The following EML6 variants were observed in gnomAD, a reference collection of about 807,000 sequenced individuals.
EML6 encodes the protein echinoderm microtubule-associated protein-like 6.
Under a neutral mutation model 240.1 loss-of-function variants are expected in EML6, and 154 were observed. That is an observed-to-expected ratio of 0.64 (90% CI 0.56 to 0.73). EML6 has a LOEUF of 0.73. EML6 is among the 30% of genes least tolerant of loss of function. The pLI is 0.00. For missense variants in EML6, 2,964 were observed against 2,474.6 expected (o/e 1.20, Z -4.20); for synonymous variants, 1,148 against 899.0 (o/e 1.28, Z -4.95).
At position 54,892,754 on chromosome 2, in the gene EML6, G is replaced by A. The variant is rs913113134; in HGVS notation, c.2742+98G>A. ...AAGAGGATGCCTGTATCTAAAACAG[G>A]CCTGTCTGAATTAGGAAGTAGTTGT... On this transcript the variant is annotated intron_variant, in intron 19 of 41. Transcript: ENST00000356458. 2.0e-5 allele frequency: 17 copies of A among 860,382 alleles called. No individual in the cohort carries two copies. The African/African-American group carries it at 2.6e-4, about 13-fold the overall frequency. The allele number at this position is 860,382 out of a possible 1,614,324, so 53.3% of individuals were successfully genotyped here. A position where few individuals can be genotyped will look rare whatever the true frequency, so the allele number is the denominator to read the frequency against.
intron 2 of EML6, among the ~76,000 whole-genome samples, chr2:54,800,812 CTG>C (rs1353193549): frequency 2.6e-5 from 4 of 152,028 alleles, no homozygotes; most frequent in African/African-American, 9.7e-5. Flanking sequence ...TTACTTACCT[CTG>C]TATAATAGAC....
At chr2:54,959,320 A>G (rs1018471322) in intron 34 of EML6, 59 bp downstream of exon 34, 1 of 1,447,702 alleles carries the variant, frequency 6.9e-7, no homozygotes, top group African/African-American at 1.4e-5. Context: ...GGAGAAACTG[A>G]CAAAAGTGTT....
intron 6 of EML6, among the ~76,000 whole-genome samples, chr2:54,827,966 C>A (rs913282187): frequency 1.3e-5 from 2 of 152,188 alleles, no homozygotes; most frequent in African/African-American, 4.8e-5. Context: ...CTATTAATTG[C>A]TTGATTTATG....
intron 26 of EML6, among the ~76,000 whole-genome samples, chr2:54,923,125 G>C (rs538082873): frequency 1.3e-5 from 2 of 151,912 alleles, no homozygotes; most frequent in African/African-American, 4.8e-5. Context: ...AATTTTGGTA[G>C]AGATGGGGTT....
chr2:54,850,121 G>A lies in EML6; in HGVS notation c.1347G>A (p.Lys449=). 2 of 1,552,012 alleles carry A rather than the reference G, an allele frequency of 1.3e-6. No individual in the cohort carries two copies. Among genetic ancestry groups the A allele is most frequent in the Non-Finnish European group, 1.7e-6 (2 of 1,147,020 alleles). Reference sequence around the variant, plus strand: ...ATAAGAAAATTGGAGAATGCAGCAAGTCCCTTAGTTTCATCACGCATATTG... The same window carrying A: ...ATAAGAAAATTGGAGAATGCAGCAAATCCCTTAGTTTCATCACGCATATTG... ...QRYKKIGECS[K]SLSFITHIDW... Residue 449 remains lysine, a synonymous_variant, in exon 10 of 42, where the codon AAG becomes AAA. Coordinates refer to ENST00000356458, the MANE Select transcript of EML6 (RefSeq NM_001039753.4).
At chr2:54,827,857 C>T (rs888584297) in intron 6 of EML6, 106 bp downstream of exon 6, 7 of 739,928 alleles carry the variant, frequency 9.5e-6, no homozygotes, top group Non-Finnish European at 1.6e-5. Flanking sequence ...GAGAACCCTG[C>T]TGAACACTCC....
chr2:54,938,116 C>G (rs554205392), intron 28 of EML6, among the ~76,000 whole-genome samples: 2 of 152,116 alleles, frequency 1.3e-5, no homozygotes, highest in African/African-American at 4.8e-5. Context: ...GAGGCCGAGG[C>G]GGGCAGATCA....
intron 7 of EML6, among the ~76,000 whole-genome samples, chr2:54,841,679 G>A (rs929711574): frequency 1.4e-5 from 2 of 140,158 alleles, no homozygotes; most frequent in East Asian, 2.4e-4. Context: ...AAGTCCCTCC[G>A]CCTCCCAGGC....
At chr2:54,849,568 A>G (rs1669957892) in intron 9 of EML6, among the ~76,000 whole-genome samples, 1 of 152,248 alleles carries the variant, frequency 6.6e-6, no homozygotes, top group Admixed American at 6.5e-5. Context: ...GACTCACTGC[A>G]AACTCTACCT....
rs559891103 is a variant in EML6 at position 54,836,346 on chromosome 2, A to G, written c.847+6869A>G. On this transcript the variant is annotated intron_variant, in intron 7 of 41. Transcript: ENST00000356458. ...TGTTCTCATCTTCTGATATCTCACTAGGCTTTGTGTATCTTTCACAGTTCC... is the reference window on the plus strand; with the variant it reads ...TGTTCTCATCTTCTGATATCTCACTGGGCTTTGTGTATCTTTCACAGTTCC... Among the ~76,000 whole-genome samples the G allele has an allele frequency of 5.9e-5, 9 of 152,218 alleles. No individual in the cohort carries two copies. The South Asian group carries it at 1.7e-3, about 28-fold the overall frequency.
chr2:54,908,591 C>T (rs1238679068), intron 24 of EML6, among the ~76,000 whole-genome samples: 1 of 152,174 alleles, frequency 6.6e-6, no homozygotes, highest in Non-Finnish European at 1.5e-5. Context: ...TTCCTCTCCC[C>T]TCCTCTCCCA....
Position 54,850,177 on chromosome 2 carries a change from C to T in EML6, c.1403C>T (p.Thr468Ile). 6.4e-7 allele frequency: 1 copy of T among 1,551,614 alleles called. No homozygotes were observed. The highest frequency in any genetic ancestry group is 8.7e-7 in the Non-Finnish European group (1 of 1,146,898). ...TCCTTGGATAGTAAATACTTACAAA[C>T]TAATGACGGTGCAGGAGAACGATTG... Reference protein sequence around the residue: ...DWSLDSKYLQTNDGAGERLFY... With the variant: ...DWSLDSKYLQINDGAGERLFY... Residue 468 changes from threonine (T) to isoleucine (I), a missense_variant, in exon 10 of 42, where the codon ACT becomes ATT. Physicochemically the swap from Thr to Ile is moderately conservative, Grantham distance 89 (BLOSUM62 -1). Coordinates refer to ENST00000356458, the MANE Select transcript of EML6 (RefSeq NM_001039753.4).
At chr2:54,817,014 T>TCATCC (rs1417832932) in intron 4 of EML6, 129 bp downstream of exon 4, 4 of 609,252 alleles carry the variant, frequency 6.6e-6, no homozygotes, top group Admixed American at 5.5e-5. Flanking sequence ...AAACTTATAA[T>TCATCC]CATCCTCTTT....
intron 28 of EML6, among the ~76,000 whole-genome samples, chr2:54,935,804 A>C (rs938108769): frequency 2.6e-5 from 4 of 152,164 alleles, no homozygotes; most frequent in Non-Finnish European, 5.9e-5. Flanking sequence ...TGAATCCAGG[A>C]GGTTGAGGCT....
intron 16 of EML6, among the ~76,000 whole-genome samples, chr2:54,875,537 T>A (rs1004682553): frequency 2.0e-5 from 3 of 152,204 alleles, no homozygotes; most frequent in Admixed American, 6.5e-5. Flanking sequence ...CCTGGAAATA[T>A]AAAGCAGGCA....
rs147260257 is a variant in EML6, at chr2:54,884,831, C to A, written c.2438+5191C>A. 3.6e-3 allele frequency among the ~76,000 whole-genome samples: 548 copies of A among 152,268 alleles called. 3 individuals are homozygous for A. Among genetic ancestry groups the A allele is most frequent in the African/African-American group, 0.013 (524 of 41,550 alleles). ...TTCATTTTGGTTTTCTCTAGTCTCT[C>A]TAAAGTATATATTAATGATTTTGTA... On this transcript the variant is annotated intron_variant, in intron 17 of 41. Transcript: ENST00000356458.
chr2:54,856,302 T>C (rs961392837), intron 11 of EML6, among the ~76,000 whole-genome samples: 8 of 152,180 alleles, frequency 5.3e-5, no homozygotes, highest in African/African-American at 1.9e-4. Context: ...CCTTGCTCAA[T>C]GACAATTTTC....
At chr2:54,744,119 G>C (rs1258368948) in intron 2 of EML6, among the ~76,000 whole-genome samples, 1 of 151,034 alleles carries the variant, frequency 6.6e-6, no homozygotes, top group African/African-American at 2.4e-5. Flanking sequence ...AGTTGGGCCA[G>C]AGGAGAGTTG....
Position 54,821,544 on chromosome 2 carries a change from CTAAATTAATCCGGAAGCAT to C in EML6, c.525+1088_525+1106del, listed in dbSNP as rs1294411213. On this transcript the variant is annotated intron_variant, in intron 5 of 41. Coordinates refer to ENST00000356458, the MANE Select transcript of EML6 (RefSeq NM_001039753.4). ...TGACAGAATTTCCCTTTAAATTATCCTAAATTAATCCGGAAGCATTAAATAATGACAATAACTATGAACT... is the reference window on the plus strand; with the variant it reads ...TGACAGAATTTCCCTTTAAATTATCCTAAATAATGACAATAACTATGAACT... Among the ~76,000 whole-genome samples the C allele has an allele frequency of 3.9e-5, 6 of 152,066 alleles. No individual in the cohort carries two copies. The South Asian group carries it at 1.2e-3, about 32-fold the overall frequency.
Sources: gnomAD v4.1 joint callset for allele counts (sites outside exome capture counted in the v4.1 genomes callset) on GRCh38, gnomAD v4.1.1 for gene constraint, MANE v1.5 for transcripts, NCBI Gene and HGNC (gene_info 2026-07-23, HGNC 2026-07-21) for gene names.